RARB: variants seen among roughly 807,000 people sequenced by gnomAD.
The protein encoded by RARB is HBV-activated protein.
In RARB, 17 loss-of-function variants were observed where a neutral mutation model predicts 51.9. The ratio of observed to expected loss-of-function variants is 0.33; its 90% confidence interval spans 0.22 to 0.49. The LOEUF is 0.49. Among genes scored for constraint, RARB ranks in the 20% least tolerant of loss-of-function variants. The pLI is 0.99. For missense variants in RARB, 369 were observed against 550.8 expected, an observed-to-expected ratio of 0.67 and a Z score of 3.30; for synonymous variants, 215 against 195.4, an observed-to-expected ratio of 1.10 and a Z score of -0.84.
rs1016140901 is a variant in RARB, at chr3:25,535,420, T to G, written c.448+34097T>G. ...CTCTGTGTCCTTATCTCTTTTTTTT[T>G]TTTTTTATGCTTTAGGTTCTGGAAT... On this transcript the variant is annotated intron_variant, in intron 3 of 7. Coordinates refer to ENST00000330688, the MANE Select transcript of RARB (RefSeq NM_000965.5). Among the ~76,000 whole-genome samples, 4 of 151,816 alleles carry G rather than the reference T, an allele frequency of 2.6e-5. 1 individual carries two copies. In the East Asian group the frequency reaches 5.8e-4, roughly 22 times the overall value.
rs7626976 is a variant in RARB, at chr3:25,214,614, G to A, written c.178+40039G>A. 5.4e-3 allele frequency among the ~76,000 whole-genome samples: 824 copies of A among 152,238 alleles called. 14 individuals carry two copies. Among genetic ancestry groups the A allele is most frequent in the African/African-American group, 0.018 (727 of 41,526 alleles). ...GTAAGAATCCTCAATATTTTAACAG[G>A]GCGTCCTGAAATGCCCCTGAAGGGA... On this transcript the variant is annotated intron_variant, in intron 5 of 11. Transcript: ENST00000383772.
intron 5 of RARB, among the ~76,000 whole-genome samples, chr3:25,223,938 T>A (rs1702000457): frequency 6.6e-6 from 1 of 152,254 alleles, no homozygotes. Context: ...TTACTCTGAG[T>A]ATTTCTAAAT....
chr3:25,152,945 T>C (rs956936058), intron 4 of RARB, among the ~76,000 whole-genome samples: 7 of 152,200 alleles, frequency 4.6e-5, no homozygotes, highest in African/African-American at 1.7e-4. Flanking sequence ...TGATACAAAC[T>C]TCTTCTACAC....
intron 5 of RARB, among the ~76,000 whole-genome samples, chr3:25,180,508 G>A (rs370471866): frequency 6.6e-6 from 1 of 152,126 alleles, no homozygotes; most frequent in Admixed American, 6.5e-5. Flanking sequence ...TTTCAAATAG[G>A]TTATATTCAG....
chr3:24,923,223 A>G (rs1695254763), intron 2 of RARB, among the ~76,000 whole-genome samples: 1 of 152,306 alleles, frequency 6.6e-6, no homozygotes, highest in Non-Finnish European at 1.5e-5. Context: ...TTCTAGCAAT[A>G]TATTTGAAGT....
At chr3:25,110,215 C>T (rs1410756705) in intron 3 of RARB, among the ~76,000 whole-genome samples, 1 of 152,204 alleles carries the variant, frequency 6.6e-6, no homozygotes, top group Non-Finnish European at 1.5e-5. Flanking sequence ...AGGCTAAATA[C>T]ATGTCAATGT....
chr3:25,248,969 T>A (rs537446949), intron 5 of RARB, among the ~76,000 whole-genome samples: 7 of 152,310 alleles, frequency 4.6e-5, no homozygotes, highest in Admixed American at 4.6e-4. Context: ...TATCTTAATA[T>A]CTAAATTTCT....
At position 25,517,530 on chromosome 3, in the gene RARB, G is replaced by A. The variant is rs573249091; in HGVS notation, c.448+16207G>A. Among the ~76,000 whole-genome samples, 3 of 152,250 alleles carry A rather than the reference G, an allele frequency of 2.0e-5. No homozygotes were observed. In the South Asian group the frequency reaches 6.2e-4, roughly 32 times the overall value. On this transcript the variant is annotated intron_variant, in intron 3 of 7. Transcript: ENST00000330688. The stretch of plus-strand genomic sequence containing the variant: ...AAGATGTACAGAAATTTGGACACTC[G>A]CACACTGCTAGTGGGATCATAAATG...
chr3:25,335,704 G>T (rs1705042245), intron 5 of RARB, among the ~76,000 whole-genome samples: 1 of 152,298 alleles, frequency 6.6e-6, no homozygotes, highest in Middle Eastern at 3.4e-3. Flanking sequence ...CAAATTGCCA[G>T]AATTTCACAT....
chr3:25,356,614 A>G (rs1054739152), intron 5 of RARB, among the ~76,000 whole-genome samples: 1 of 151,980 alleles, frequency 6.6e-6, no homozygotes, highest in South Asian at 2.1e-4. Flanking sequence ...TGCTGCACCC[A>G]TCAACCCATC....
At chr3:25,476,522 GA>G (rs1044513034) in intron 2 of RARB, among the ~76,000 whole-genome samples, 2 of 151,938 alleles carry the variant, frequency 1.3e-5, no homozygotes, top group East Asian at 1.9e-4. Context: ...GTAGATTTAG[GA>G]AAAAAAATTG....
intron 2 of RARB, among the ~76,000 whole-genome samples, chr3:24,977,236 C>G (rs902534103): frequency 1.3e-5 from 2 of 152,096 alleles, no homozygotes; most frequent in Admixed American, 1.3e-4. Context: ...ATTGACTTGG[C>G]TATATGGGCT....
intron 3 of RARB, among the ~76,000 whole-genome samples, chr3:25,516,169 T>C (rs1399142305): frequency 6.6e-6 from 1 of 152,226 alleles, no homozygotes; most frequent in Non-Finnish European, 1.5e-5. Flanking sequence ...TCAACCCACC[T>C]AACTAGCTTT....
intron 4 of RARB, among the ~76,000 whole-genome samples, chr3:25,136,066 G>A (rs1700028204): frequency 6.6e-6 from 1 of 151,982 alleles, no homozygotes. Flanking sequence ...GGGTCTAGCA[G>A]CACTCATTTC....
chr3:25,092,059 C>G (rs1304383222), intron 3 of RARB, among the ~76,000 whole-genome samples: 1 of 152,108 alleles, frequency 6.6e-6, no homozygotes, highest in East Asian at 1.9e-4. Flanking sequence ...CTCTGCCTCA[C>G]TATAGCTTAA....
chr3:25,463,661 C>CA (rs200673086), intron 2 of RARB, among the ~76,000 whole-genome samples: 5,876 of 120,328 alleles, frequency 0.049, 187 homozygotes, highest in East Asian at 0.18. Context: ...GACTCCATCT[C>CA]AAAAAAAAAA....
intron 5 of RARB, among the ~76,000 whole-genome samples, chr3:25,382,313 A>C (rs564095061): frequency 5.9e-5 from 9 of 152,210 alleles, no homozygotes; most frequent in East Asian, 1.9e-4. Context: ...AGAATTTTCA[A>C]ATTGTCTCCT....
chr3:25,088,196 G>A (rs1015919111), intron 3 of RARB, among the ~76,000 whole-genome samples: 14 of 152,036 alleles, frequency 9.2e-5, no homozygotes, highest in African/African-American at 3.4e-4. Flanking sequence ...AGCTTCATTT[G>A]GTTTCATATT....
intron 3 of RARB, among the ~76,000 whole-genome samples, chr3:25,568,273 C>G (rs1435987306): frequency 6.6e-6 from 1 of 152,206 alleles, no homozygotes; most frequent in Non-Finnish European, 1.5e-5. Flanking sequence ...GAAGGAACTT[C>G]TCAACCACGT....
Sources: gnomAD v4.1 joint callset for allele counts (sites outside exome capture counted in the v4.1 genomes callset) on GRCh38, gnomAD v4.1.1 for gene constraint, MANE v1.5 for transcripts, NCBI Gene and HGNC (gene_info 2026-07-23, HGNC 2026-07-21) for gene names.